USH2A: variants seen among roughly 807,000 people sequenced by gnomAD.
USH2A encodes usherin.
A neutral mutation model predicts 538.9 loss-of-function variants in USH2A; 443 were observed. That is an observed-to-expected ratio of 0.82 (90% CI 0.76 to 0.89). The LOEUF is 0.89. Among genes scored for constraint, USH2A ranks in the 40% least tolerant of loss-of-function variants. USH2A has a pLI of 0.00. For missense variants in USH2A, 6,633 were observed against 6,324.8 expected, an observed-to-expected ratio of 1.05 and a Z score of -1.65; for synonymous variants, 2,413 against 2,273.5, an observed-to-expected ratio of 1.06 and a Z score of -1.75.
intron 37 of USH2A, among the ~76,000 whole-genome samples, chr1:215,950,580 C>T (rs1666888363): frequency 6.7e-6 from 1 of 149,526 alleles, no homozygotes; most frequent in Non-Finnish European, 1.5e-5. Context: ...GATCTTGGCT[C>T]ACTACAATCT....
rs182659484 is a variant in USH2A, at chr1:216,090,899, T to C, written c.4759-1760A>G. ...TGCTGTCTCATCAAAGTGTACTTAGTTAGCGTTAAAATTGTTACAAACGAT... is the reference window on the plus strand; with the variant it reads ...TGCTGTCTCATCAAAGTGTACTTAGCTAGCGTTAAAATTGTTACAAACGAT... On this transcript the variant is annotated intron_variant, in intron 22 of 71. Transcript: ENST00000307340. Among the ~76,000 whole-genome samples, 78 of 152,212 alleles carry C rather than the reference T, an allele frequency of 5.1e-4. No homozygotes were observed. The East Asian group carries it at 0.014, about 27-fold the overall frequency.
intron 59 of USH2A, among the ~76,000 whole-genome samples, chr1:215,742,793 C>A (rs539699870): frequency 2.5e-3 from 382 of 152,254 alleles, no homozygotes; most frequent in Non-Finnish European, 4.2e-3. Flanking sequence ...TAAATAACTT[C>A]TCACTTCCTC....
In USH2A at chr1:215,990,922, C is replaced by T. The variant is rs944155155; in HGVS notation, c.6805+2098G>A. On this transcript the variant is annotated intron_variant, in intron 35 of 71. Coordinates refer to ENST00000307340, the MANE Select transcript of USH2A (RefSeq NM_206933.4). Reference sequence around the variant, plus strand: ...GACTACAGGCACCTGCCACTATGCCCGGCTAATTTTTTGTATTTTTAGTAG... The same window carrying T: ...GACTACAGGCACCTGCCACTATGCCTGGCTAATTTTTTGTATTTTTAGTAG... 4.0e-5 allele frequency among the ~76,000 whole-genome samples: 6 copies of T among 151,890 alleles called. 1 individual carries two copies. The highest frequency in any genetic ancestry group is 4.2e-4 in the South Asian group (2 of 4,786).
intron 43 of USH2A, among the ~76,000 whole-genome samples, chr1:215,876,438 T>G (rs1027047127): frequency 6.6e-6 from 1 of 152,164 alleles, no homozygotes; most frequent in African/African-American, 2.4e-5. Context: ...ACAGCTAATA[T>G]TCCTAAGGTA....
At chr1:215,737,105 T>C (rs981957777) in intron 60 of USH2A, among the ~76,000 whole-genome samples, 1 of 151,930 alleles carries the variant, frequency 6.6e-6, no homozygotes, top group Non-Finnish European at 1.5e-5. Context: ...TACACATCCA[T>C]ATAACAGAAT....
chr1:216,077,589 TTATG>T (rs1382758307), intron 27 of USH2A, among the ~76,000 whole-genome samples: 16 of 148,950 alleles, frequency 1.1e-4, no homozygotes, highest in African/African-American at 3.9e-4. Context: ...ATATATATAA[TTATG>T]TATGTACACA....
intron 51 of USH2A, among the ~76,000 whole-genome samples, chr1:215,789,407 C>T (rs1490114518): frequency 2.6e-5 from 4 of 152,112 alleles, no homozygotes; most frequent in South Asian, 2.1e-4. Context: ...CTACAGAACA[C>T]GGTAGCATGT....
At position 216,218,921 on chromosome 1, in the gene USH2A, C is replaced by G. The variant is rs554506946; in HGVS notation, c.2994-1371G>C. ...TTCTTTATAGGCTATTATGTAGAGT[C>G]TATTGTTTATAGGCTTTTAATATAA... On this transcript the variant is annotated intron_variant, in intron 14 of 71. Coordinates refer to ENST00000307340, the MANE Select transcript of USH2A (RefSeq NM_206933.4). Among the ~76,000 whole-genome samples the G allele has an allele frequency of 3.3e-5, 5 of 151,916 alleles. No individual in the cohort carries two copies. The East Asian group carries it at 9.7e-4, about 29-fold the overall frequency.
intron 51 of USH2A, among the ~76,000 whole-genome samples, 175 bp from the exon 52 acceptor site, chr1:215,787,049 T>C (rs1264002090): frequency 6.6e-6 from 1 of 152,208 alleles, no homozygotes; most frequent in Non-Finnish European, 1.5e-5. Context: ...GGAAGAACAA[T>C]GACTTTGAAA....
At position 215,799,052 on chromosome 1, in the gene USH2A, C is replaced by A. The variant is rs137876918; in HGVS notation, c.9813G>T (p.Met3271Ile). Reference sequence around the variant, plus strand: ...TCTGGTTTCCTGAGGTGGAGTACGGCATTCTGCCACAGCAGGAATCACCAA... The same window carrying A: ...TCTGGTTTCCTGAGGTGGAGTACGGAATTCTGCCACAGCAGGAATCACCAA... ...VGIGDSCCGR[M>I]PYSTSGNQIC... The change falls in exon 50 of 72, where the codon ATG becomes ATT. Residue 3271 changes from methionine (M) to isoleucine (I), a missense_variant. Coordinates refer to ENST00000307340, the MANE Select transcript of USH2A (RefSeq NM_206933.4). The A allele has an allele frequency of 2.4e-5, 38 of 1,613,948 alleles. No individual in the cohort carries two copies. The highest frequency in any genetic ancestry group is 3.0e-5 in the Non-Finnish European group (35 of 1,180,016).
chr1:215,900,905 G>T lies in USH2A; in HGVS notation c.7301C>A (p.Ala2434Asp), dbSNP rs369624787. ...DPITIAMPPG[A>D]PDGVLPPRLS... ...CCTGGGAGGCAGCACGCCATCTGGAGCTGTCGAAAAACACAGATGAATTAG... is the reference window on the plus strand; with the variant it reads ...CCTGGGAGGCAGCACGCCATCTGGATCTGTCGAAAAACACAGATGAATTAG... The change falls in exon 39 of 72, where the codon GCT becomes GAT. Residue 2434 changes from alanine to aspartate, a missense_variant and splice_region_variant. Physicochemically the swap from Ala to Asp is moderately radical, Grantham distance 126. Coordinates refer to ENST00000307340, the MANE Select transcript of USH2A (RefSeq NM_206933.4). The T allele has an allele frequency of 6.2e-7, 1 of 1,613,338 alleles. No homozygotes were observed. Among genetic ancestry groups the T allele is most frequent in the Non-Finnish European group, 8.5e-7 (1 of 1,179,604 alleles).
At chr1:216,296,253 T>C (rs1400866737) in intron 9 of USH2A, among the ~76,000 whole-genome samples, 1 of 152,080 alleles carries the variant, frequency 6.6e-6, no homozygotes, top group Non-Finnish European at 1.5e-5. Flanking sequence ...CATTTTACAA[T>C]GGTCAAGTTA....
At chr1:215,668,220 C>T (rs553854697) in intron 64 of USH2A, among the ~76,000 whole-genome samples, 1 of 152,146 alleles carries the variant, frequency 6.6e-6, no homozygotes, top group African/African-American at 2.4e-5. Flanking sequence ...GAGAGCAATG[C>T]AAATTCATCA....
At chr1:215,991,054 C>T (rs1435495380) in intron 35 of USH2A, among the ~76,000 whole-genome samples, 3 of 152,134 alleles carry the variant, frequency 2.0e-5, no homozygotes, top group East Asian at 1.9e-4. Context: ...AGCCACCAGG[C>T]CCAGCCTGTT....
At chr1:216,156,876 C>T (rs1006308051) in intron 21 of USH2A, among the ~76,000 whole-genome samples, 2 of 150,272 alleles carry the variant, frequency 1.3e-5, no homozygotes, top group African/African-American at 5.0e-5. Flanking sequence ...ATACTTCTAT[C>T]TCTTTTTTTT....
At chr1:216,241,482 T>G (rs1347009946) in intron 13 of USH2A, among the ~76,000 whole-genome samples, 1 of 152,108 alleles carries the variant, frequency 6.6e-6, no homozygotes, top group South Asian at 2.1e-4. Context: ...TGGTCTCCTT[T>G]CTCTTTTCCT....
At chr1:215,947,155 C>T (rs533966048) in intron 37 of USH2A, among the ~76,000 whole-genome samples, 4 of 152,024 alleles carry the variant, frequency 2.6e-5, no homozygotes, top group South Asian at 2.1e-4. Context: ...GATTCTCCCA[C>T]CCCAGCCTCC....
chr1:215,984,804 T>C (rs1468159799), intron 35 of USH2A, among the ~76,000 whole-genome samples: 3 of 152,220 alleles, frequency 2.0e-5, no homozygotes. Context: ...TCTTTTCCAG[T>C]GCAGCATGGC....
chr1:216,269,122 A>C (rs1211357598), intron 11 of USH2A, among the ~76,000 whole-genome samples: 15 of 152,044 alleles, frequency 9.9e-5, no homozygotes, highest in Admixed American at 9.8e-4. Context: ...TTACTTATTA[A>C]AGGTGGTGCA....
Sources: gnomAD v4.1 joint callset for allele counts (sites outside exome capture counted in the v4.1 genomes callset) on GRCh38, gnomAD v4.1.1 for gene constraint, MANE v1.5 for transcripts, NCBI Gene and HGNC (gene_info 2026-07-23, HGNC 2026-07-21) for gene names.